Variants in TCF4 observed in about 807,000 individuals in gnomAD.
TCF4 encodes the protein SL3-3 enhancer factor 2.
In TCF4, 3 loss-of-function variants were observed where a neutral mutation model predicts 82.1. That is an observed-to-expected ratio of 0.04 (90% confidence interval 0.02 to 0.09). The LOEUF (loss-of-function observed/expected upper bound fraction) is 0.09, where lower values mean the gene tolerates loss of function less well. Ranked by LOEUF, TCF4 falls within the 10% of genes least tolerant of loss-of-function variation. The pLI, the probability that TCF4 is intolerant of heterozygous loss-of-function variation, is 1.00. For synonymous variants in TCF4, 276 were observed against 309.6 expected (o/e 0.89, Z 1.14); for missense variants, 518 against 852.7 (o/e 0.61, Z 4.89).
chr18:55,596,828 A>AT (rs2097691396), intron 2 of TCF4, among the ~76,000 whole-genome samples: 1 of 152,128 alleles, frequency 6.6e-6, no homozygotes, highest in African/African-American at 2.4e-5. Flanking sequence ...CTAGGTTATC[A>AT]TAAAAAAAAA....
rs540333602 is a variant in TCF4 at position 55,393,439 on chromosome 18, C to G, written c.369+10015G>C. ...ATCTGCATATGCTTTGTATGGCCTA[C>G]TAACTCATTTCCTCTTCATATTACT... is the stretch of plus-strand genomic sequence containing the variant. On this transcript the variant is annotated intron_variant, in intron 6 of 19. Transcript: ENST00000354452. Among the ~76,000 whole-genome samples the G allele has an allele frequency of 2.6e-5, 4 of 152,274 alleles. No homozygotes were observed. The South Asian group carries it at 6.2e-4, about 24-fold the overall frequency.
Position 55,600,892 on chromosome 18 carries a change from A to G in TCF4, c.287-13756T>C, listed in dbSNP as rs2097696172. Among the ~76,000 whole-genome samples, 4 of 152,236 alleles carry G rather than the reference A, an allele frequency of 2.6e-5. 1 individual carries two copies. Among genetic ancestry groups the G allele is most frequent in the Admixed American group, 2.6e-4 (4 of 15,286 alleles). On this transcript the variant is annotated intron_variant, in intron 2 of 20. Transcript: ENST00000398339. ...AGTATTTACAAAGAATTTACATTGC[A>G]TTAGGTATTACTAGTAATCTGGAGA... is the stretch of plus-strand genomic sequence containing the variant.
chr18:55,418,448 A>C (rs1441242592), intron 5 of TCF4, among the ~76,000 whole-genome samples: 1 of 152,178 alleles, frequency 6.6e-6, no homozygotes, highest in Non-Finnish European at 1.5e-5. Context: ...GAATTATAAA[A>C]GATGGTATGT....
At chr18:55,254,852 G>A in intron 14 of TCF4, 152 bp from the exon 15 acceptor site, 1 of 769,762 alleles carries the variant, frequency 1.3e-6, no homozygotes, top group Non-Finnish European at 2.2e-6. Flanking sequence ...TACAAATAGT[G>A]TTGTTTCCAG....
intron 6 of TCF4, among the ~76,000 whole-genome samples, chr18:55,358,385 G>A (rs2084146367): frequency 1.3e-5 from 2 of 152,222 alleles, no homozygotes; most frequent in Non-Finnish European, 2.9e-5. Flanking sequence ...AGGATGGGTG[G>A]ATGTGAATAT....
chr18:55,330,802 C>T (rs1375283706), intron 8 of TCF4, among the ~76,000 whole-genome samples: 1 of 151,990 alleles, frequency 6.6e-6, no homozygotes, highest in African/African-American at 2.4e-5. Context: ...CTCCTGACCT[C>T]GTGATCCGCC....
intron 3 of TCF4, among the ~76,000 whole-genome samples, chr18:55,479,602 G>A (rs943735775): frequency 2.6e-5 from 4 of 152,032 alleles, no homozygotes; most frequent in Non-Finnish European, 4.4e-5. Flanking sequence ...CCATGTAATC[G>A]TCTATGCACC....
At chr18:55,584,458 T>C (rs117818068) in intron 3 of TCF4, among the ~76,000 whole-genome samples, 415 of 152,270 alleles carry the variant, frequency 2.7e-3, no homozygotes, top group Middle Eastern at 6.8e-3. Context: ...TTTTCTTATT[T>C]GAAATTCATT....
chr18:55,314,953 G>A lies in TCF4; in HGVS notation c.550-35297C>T, dbSNP rs957871334. Among the ~76,000 whole-genome samples, 10 of 152,186 alleles carry A rather than the reference G, an allele frequency of 6.6e-5. No individual in the cohort carries two copies. In the East Asian group the frequency reaches 1.2e-3, roughly 18 times the overall value. On this transcript the variant is annotated intron_variant, in intron 8 of 19. Coordinates refer to ENST00000354452, the MANE Select transcript of TCF4 (RefSeq NM_001083962.2). ...TGGAGGTGAAAAAGCCAAGTCAAAT[G>A]TTAGCCTCCATTGTTAACATCCCCT...
intron 5 of TCF4, among the ~76,000 whole-genome samples, chr18:55,446,163 T>C (rs2144135300): frequency 6.6e-6 from 1 of 152,234 alleles, no homozygotes; most frequent in African/African-American, 2.4e-5. Flanking sequence ...TCTAATGTGC[T>C]GTGTGAGGCT....
intron 3 of TCF4, among the ~76,000 whole-genome samples, chr18:55,563,576 C>A (rs1365001202): frequency 6.6e-6 from 1 of 152,232 alleles, no homozygotes; most frequent in Non-Finnish European, 1.5e-5. Context: ...AAAGAGTTCT[C>A]TCCTTAGAGT....
At chr18:55,491,601 C>T (rs1323060214) in intron 3 of TCF4, among the ~76,000 whole-genome samples, 1 of 152,160 alleles carries the variant, frequency 6.6e-6, no homozygotes, top group Non-Finnish European at 1.5e-5. Context: ...CTTCCTGGCA[C>T]TATGGTGAGG....
At chr18:55,374,174 T>C (rs1221199590) in intron 6 of TCF4, among the ~76,000 whole-genome samples, 1 of 151,164 alleles carries the variant, frequency 6.6e-6, no homozygotes, top group African/African-American at 2.4e-5. Context: ...CAATGAAAAA[T>C]AATGGCCTTA....
chr18:55,409,921 G>A (rs1057458111), intron 5 of TCF4, among the ~76,000 whole-genome samples: 3 of 152,130 alleles, frequency 2.0e-5, no homozygotes, highest in Non-Finnish European at 4.4e-5. Context: ...CAACATTTCA[G>A]AGAAGAGTAC....
intron 3 of TCF4, among the ~76,000 whole-genome samples, chr18:55,481,936 A>G (rs2096441990): frequency 6.6e-6 from 1 of 152,216 alleles, no homozygotes; most frequent in Non-Finnish European, 1.5e-5. Flanking sequence ...ACAATGAGCA[A>G]GTATGGGTTT....
chr18:55,584,405 T>C (rs1460209940), intron 3 of TCF4, among the ~76,000 whole-genome samples: 3 of 152,174 alleles, frequency 2.0e-5, no homozygotes, highest in East Asian at 3.8e-4. Context: ...ATAAATGGAC[T>C]TAAGCCACGG....
chr18:55,291,022 A>T (rs2064972699), intron 8 of TCF4, among the ~76,000 whole-genome samples: 2 of 152,200 alleles, frequency 1.3e-5, no homozygotes, highest in South Asian at 4.1e-4. Context: ...GACTTTTCTC[A>T]TCCATTATCT....
intron 3 of TCF4, among the ~76,000 whole-genome samples, chr18:55,500,912 G>T (rs999911144): frequency 6.6e-6 from 1 of 152,138 alleles, no homozygotes; most frequent in Non-Finnish European, 1.5e-5. Flanking sequence ...GTTTAGGTCA[G>T]TATGGATATT....
intron 2 of TCF4, among the ~76,000 whole-genome samples, chr18:55,613,205 T>C (rs113174832): frequency 1.8e-4 from 28 of 152,088 alleles, no homozygotes; most frequent in African/African-American, 5.3e-4. Context: ...AAAATGCACA[T>C]GTCACCCCAA....
Sources: gnomAD v4.1 joint callset for allele counts (sites outside exome capture counted in the v4.1 genomes callset) on GRCh38, gnomAD v4.1.1 for gene constraint, MANE v1.5 for transcripts, NCBI Gene and HGNC (gene_info 2026-07-23, HGNC 2026-07-21) for gene names.